The following KCND3 variants were observed in gnomAD, a reference collection of about 807,000 sequenced individuals.
KCND3 encodes the protein potassium voltage-gated channel subfamily D member 3.
In KCND3, 9 loss-of-function variants were observed where a neutral mutation model predicts 51.1. The observed-to-expected ratio is 0.18, with a 90% CI of 0.11 to 0.31. The LOEUF (loss-of-function observed/expected upper bound fraction) is 0.31, where lower values mean the gene tolerates loss of function less well. KCND3 is among the 10% of genes least tolerant of loss of function. The pLI is 1.00. For missense variants in KCND3, 526 were observed against 903.8 expected, an observed-to-expected ratio of 0.58 and a Z score of 5.36; for synonymous variants, 349 against 368.0, an observed-to-expected ratio of 0.95 and a Z score of 0.59.
At chr1:111,972,673 C>G (rs1449836859) in intron 2 of KCND3, among the ~76,000 whole-genome samples, 2 of 152,212 alleles carry the variant, frequency 1.3e-5, no homozygotes, top group African/African-American at 2.4e-5. Context: ...ATTCTGTACT[C>G]CTGATCTTTT....
chr1:111,867,005 G>A (rs1437211721), intron 2 of KCND3, among the ~76,000 whole-genome samples: 1 of 152,116 alleles, frequency 6.6e-6, no homozygotes, highest in Non-Finnish European at 1.5e-5. Flanking sequence ...ATTTTTTATT[G>A]CTTTTAAGTC....
rs753719400 is a variant in KCND3, at chr1:111,786,913, C to T, written c.1269+31G>A. ...CTGGTGCTCCCCCGCATCCTTTACA[C>T]TGCCCCCGCTTCCCTGCGTCTGAGG... On this transcript the variant is annotated intron_variant, in intron 3 of 7. Coordinates refer to ENST00000302127, the MANE Select transcript of KCND3 (RefSeq NM_001378969.1). 3.1e-6 allele frequency: 5 copies of T among 1,613,188 alleles called. No homozygotes were observed. In the African/African-American group the frequency reaches 5.3e-5, roughly 17 times the overall value.
intron 2 of KCND3, among the ~76,000 whole-genome samples, chr1:111,801,749 G>C (rs894350633): frequency 2.0e-5 from 3 of 152,126 alleles, no homozygotes; most frequent in Admixed American, 2.0e-4. Context: ...CATTCCCCAC[G>C]CTGTGCTGCC....
intron 2 of KCND3, among the ~76,000 whole-genome samples, chr1:111,946,752 G>T (rs768206545): frequency 1.9e-4 from 29 of 152,194 alleles, no homozygotes; most frequent in Non-Finnish European, 3.8e-4. Context: ...TCCATATCTT[G>T]CCAGAGCTGG....
Position 111,981,610 on chromosome 1 carries a change from C to A in KCND3, c.1106+11G>T, listed in dbSNP as rs1437557964. 3 of 1,613,994 alleles carry A rather than the reference C, an allele frequency of 1.9e-6. No homozygotes were observed. The highest frequency in any genetic ancestry group is 2.7e-5 in the African/African-American group (2 of 74,920). The stretch of plus-strand genomic sequence containing the variant: ...CCTCCGTCCTGGTTTCATCCACCAG[C>A]GCTGACTTACCCCAGTGTGGTCATG... On this transcript the variant is annotated intron_variant, in intron 2 of 7. Coordinates refer to ENST00000302127, the MANE Select transcript of KCND3 (RefSeq NM_001378969.1). The surrounding 1 kb of genome is among the most constrained non-coding windows in gnomAD (Gnocchi z 6.2).
intron 2 of KCND3, among the ~76,000 whole-genome samples, chr1:111,907,461 G>A (rs1258066700): frequency 6.6e-6 from 1 of 152,206 alleles, no homozygotes; most frequent in African/African-American, 2.4e-5. Flanking sequence ...GTCATGACAA[G>A]AGGTAGGCCA....
At chr1:111,938,037 C>T (rs919353678) in intron 2 of KCND3, among the ~76,000 whole-genome samples, 2 of 152,204 alleles carry the variant, frequency 1.3e-5, no homozygotes, top group African/African-American at 2.4e-5. Flanking sequence ...CCTGACTTCT[C>T]GACATTTCAG....
intron 5 of KCND3, among the ~76,000 whole-genome samples, chr1:111,778,802 A>G (rs1664248576): frequency 6.6e-6 from 1 of 152,058 alleles, no homozygotes; most frequent in African/African-American, 2.4e-5. Context: ...TAATCCCAAT[A>G]TCTCACCCCC....
At chr1:111,876,948 G>T (rs563482979) in intron 2 of KCND3, among the ~76,000 whole-genome samples, 1 of 152,320 alleles carries the variant, frequency 6.6e-6, no homozygotes, top group Non-Finnish European at 1.5e-5. Context: ...CGGGTAGGAT[G>T]GCTCCACATC....
chr1:111,988,412 T>C (rs1675411280), intron 1 of KCND3, among the ~76,000 whole-genome samples: 1 of 152,138 alleles, frequency 6.6e-6, no homozygotes, highest in African/African-American at 2.4e-5. Flanking sequence ...AACAAGCTAC[T>C]AACCTCTTTC....
At chr1:111,960,726 G>T (rs568317240) in intron 2 of KCND3, among the ~76,000 whole-genome samples, 1 of 152,326 alleles carries the variant, frequency 6.6e-6, no homozygotes, top group East Asian at 1.9e-4. Flanking sequence ...TGGGGTTGGG[G>T]GAACACTTTC....
At chr1:111,795,935 C>G (rs900825168) in intron 2 of KCND3, among the ~76,000 whole-genome samples, 10 of 152,162 alleles carry the variant, frequency 6.6e-5, no homozygotes, top group Non-Finnish European at 1.5e-4. Flanking sequence ...CTCAAATGAT[C>G]AATGATGTTG....
chr1:111,905,992 T>C (rs1051414298), intron 2 of KCND3, among the ~76,000 whole-genome samples: 3 of 152,222 alleles, frequency 2.0e-5, no homozygotes, highest in Non-Finnish European at 4.4e-5. Flanking sequence ...GTCTCGTAAC[T>C]ACCTGGGTGG....
intron 2 of KCND3, among the ~76,000 whole-genome samples, chr1:111,940,266 A>G (rs888308316): frequency 1.3e-5 from 2 of 150,820 alleles, no homozygotes; most frequent in Admixed American, 6.6e-5. Context: ...TTTTGTTGCC[A>G]TTGTTTTTGG....
intron 2 of KCND3, among the ~76,000 whole-genome samples, chr1:111,880,336 A>C (rs940644688): frequency 1.3e-5 from 2 of 152,220 alleles, no homozygotes; most frequent in Non-Finnish European, 2.9e-5. Context: ...ACTGGGTTAT[A>C]AACTGACAAC....
At chr1:111,826,732 C>A (rs4839171) in intron 2 of KCND3, among the ~76,000 whole-genome samples, 83,235 of 152,002 alleles carry the variant, frequency 0.55, 24,614 homozygotes, top group Non-Finnish European at 0.65. Flanking sequence ...ATCCCTACTA[C>A]TGGGAGATGT....
intron 2 of KCND3, among the ~76,000 whole-genome samples, chr1:111,839,838 T>C (rs778234034): frequency 6.6e-6 from 1 of 152,242 alleles, no homozygotes; most frequent in African/African-American, 2.4e-5. Flanking sequence ...TCCTTACTGT[T>C]AACAGTAACA....
intron 2 of KCND3, among the ~76,000 whole-genome samples, chr1:111,887,000 G>A (rs1669601031): frequency 6.6e-6 from 1 of 152,180 alleles, no homozygotes; most frequent in Non-Finnish European, 1.5e-5. Context: ...AGTCCTCTAA[G>A]AAAATAAGCC....
intron 2 of KCND3, among the ~76,000 whole-genome samples, chr1:111,866,713 C>T (rs1668592895): frequency 6.6e-6 from 1 of 152,020 alleles, no homozygotes; most frequent in African/African-American, 2.4e-5. Flanking sequence ...AGTAGGATCG[C>T]TTGAGGTCAG....
Sources: allele counts gnomAD v4.1 joint callset (sites outside exome capture counted in the v4.1 genomes callset), GRCh38; gene constraint gnomAD v4.1.1; non-coding constraint Gnocchi (gnomAD v3.1); transcripts MANE v1.5; gene names NCBI Gene and HGNC (gene_info 2026-07-23, HGNC 2026-07-21).